The following WFS1 variants were observed in gnomAD, a reference collection of about 807,000 sequenced individuals.
The protein encoded by WFS1 is wolframin.
A neutral mutation model predicts 68.5 loss-of-function variants in WFS1; 90 were observed. The observed-to-expected ratio is 1.31, with a 90% confidence interval of 1.11 to 1.56. The LOEUF (loss-of-function observed/expected upper bound fraction) is 1.56, where lower values mean the gene tolerates loss of function less well. Among genes scored for constraint, WFS1 ranks in the 40% most tolerant of loss-of-function variants. The pLI is 0.00. For missense variants in WFS1, 1,767 were observed against 1,232.6 expected (o/e 1.43, Z -6.49); for synonymous variants, 860 against 540.7 (o/e 1.59, Z -8.19).
intron 1 of WFS1, among the ~76,000 whole-genome samples, chr4:6,271,784 G>A (rs2109104307): frequency 6.6e-6 from 1 of 152,320 alleles, no homozygotes; most frequent in Admixed American, 6.5e-5. Flanking sequence ...ACGCAGCCCT[G>A]CTGGTTCTTC....
At chr4:6,270,203 G>T (rs1016426262) in intron 1 of WFS1, among the ~76,000 whole-genome samples, 189 bp downstream of exon 1, 52 of 151,986 alleles carry the variant, frequency 3.4e-4, no homozygotes, top group Admixed American at 3.2e-3. Flanking sequence ...TCTGCAACGC[G>T]CAAGGCGACC....
chr4:6,272,515 G>T (rs993251636), intron 1 of WFS1, among the ~76,000 whole-genome samples: 5 of 152,156 alleles, frequency 3.3e-5, no homozygotes, highest in African/African-American at 1.2e-4. Context: ...GAGCAGCCCT[G>T]TGCCAGGGGG....
Position 6,302,665 on chromosome 4 carries a change from A to G in WFS1, c.*197A>G. The stretch of plus-strand genomic sequence containing the variant: ...TGCTGTGTAGCTCTGTCCACTCTGA[A>G]TACCAAGTGTGTTGGGAATTGCATG... On this transcript the variant is annotated 3_prime_UTR_variant, in exon 8 of 8. Coordinates refer to ENST00000226760, the MANE Select transcript of WFS1 (RefSeq NM_006005.3). The G allele has an allele frequency of 4.0e-6, 3 of 743,352 alleles. No individual in the cohort carries two copies. Among genetic ancestry groups the G allele is most frequent in the African/African-American group, 3.5e-5 (2 of 56,924 alleles). 46.0% of individuals were successfully genotyped at this position (743,352 alleles called of 1,614,324 possible).
At chr4:6,276,598 C>T (rs571991692) in intron 1 of WFS1, among the ~76,000 whole-genome samples, 1 of 152,242 alleles carries the variant, frequency 6.6e-6, no homozygotes, top group Admixed American at 6.5e-5. Flanking sequence ...CCATTTGGCT[C>T]CCTCTCTTCT....
At chr4:6,299,903 G>GCATGTGTGTGTGTGTAGGGGTGGGT (rs1174830051) in intron 7 of WFS1, among the ~76,000 whole-genome samples, 1 of 10,428 alleles carries the variant, frequency 9.6e-5, no homozygotes, top group Non-Finnish European at 1.5e-4. Context: ...GGGGTGGGTT[G>GCATGTGTGTGTGTGTAGGGGTGGGT]TGTGTGTGTG....
Position 6,297,003 on chromosome 4 carries a change from C to T in WFS1, c.861+1814C>T, listed in dbSNP as rs149013564. Among the ~76,000 whole-genome samples the T allele has an allele frequency of 6.7e-3, 1,024 of 152,184 alleles. 8 individuals carry two copies. The highest frequency in any genetic ancestry group is 0.014 in the Middle Eastern group (4 of 294). On this transcript the variant is annotated intron_variant, in intron 7 of 7. Coordinates refer to ENST00000226760, the MANE Select transcript of WFS1 (RefSeq NM_006005.3). ...CACACCCAGCTGATTTTTTTGAAAA[C>T]ATTTTGTAGCGATGGGGGTCTCACT...
chr4:6,301,766 GA>G lies in WFS1; in HGVS notation c.1973del (p.Lys658ArgfsTer7). 6.2e-7 allele frequency: 1 copy of G among 1,613,674 alleles called. No homozygotes were observed. The highest frequency in any genetic ancestry group is 8.5e-7 in the Non-Finnish European group (1 of 1,180,036). ...WFYVYRSEGM[K>X]VYNSTLTWQQ... is the part of the protein sequence containing the mutation. ...TCTATGTGTACCGCTCAGAGGGCAT[GA>G]AGGTCTACAACTCCACACTGACCTG... On this transcript the variant is annotated frameshift_variant, in exon 8 of 8. Coordinates refer to ENST00000226760, the MANE Select transcript of WFS1 (RefSeq NM_006005.3). LOFTEE classifies it high-confidence loss of function.
At chr4:6,289,423 C>A (rs1274607684) in intron 4 of WFS1, among the ~76,000 whole-genome samples, 1 of 152,212 alleles carries the variant, frequency 6.6e-6, no homozygotes, top group Non-Finnish European at 1.5e-5. Context: ...AGACATCGAT[C>A]CTGGGTTCAG....
At position 6,291,867 on chromosome 4, in the gene WFS1, C is replaced by T. The variant is rs200393348; in HGVS notation, c.632-50C>T. The T allele has an allele frequency of 5.0e-5, 77 of 1,552,970 alleles. No individual in the cohort carries two copies. In the African/African-American group the frequency reaches 8.5e-4, roughly 17 times the overall value. On this transcript the variant is annotated intron_variant, in intron 5 of 7. Coordinates refer to ENST00000226760, the MANE Select transcript of WFS1 (RefSeq NM_006005.3). ...CCAGTTTCTGGTGGGCTGCAGGGCA[C>T]GAGGAGATAGTCAACTTGTCTGACT...
chr4:6,298,715 ACT>A (rs1292936679), intron 7 of WFS1, among the ~76,000 whole-genome samples: 2 of 152,166 alleles, frequency 1.3e-5, no homozygotes, highest in East Asian at 3.9e-4. Flanking sequence ...TCTGTGGAAG[ACT>A]CAGTCTTCTG....
chr4:6,292,767 T>C (rs767369880), intron 6 of WFS1, among the ~76,000 whole-genome samples: 3 of 152,078 alleles, frequency 2.0e-5, no homozygotes, highest in Non-Finnish European at 4.4e-5. Flanking sequence ...CAGGTCTCAT[T>C]TTTCTTTCTG....
intron 7 of WFS1, 120 bp from the exon 8 acceptor site, chr4:6,300,536 TG>T: frequency 6.8e-7 from 1 of 1,466,098 alleles, no homozygotes; most frequent in Non-Finnish European, 9.3e-7. Flanking sequence ...GGGCTGGTGA[TG>T]GGAAAACGCA....
chr4:6,291,048 G>C, intron 4 of WFS1, 149 bp from the exon 5 acceptor site: 3 of 728,900 alleles, frequency 4.1e-6, no homozygotes, highest in Non-Finnish European at 6.4e-6. Flanking sequence ...TCTTGAGTCA[G>C]ATGTCCATGC....
chr4:6,271,623 C>T (rs1310779546), intron 1 of WFS1, among the ~76,000 whole-genome samples: 1 of 152,196 alleles, frequency 6.6e-6, no homozygotes, highest in African/African-American at 2.4e-5. Context: ...AGCCACAAAC[C>T]AGACCACCCC....
chr4:6,270,315 G>A (rs1004498881), intron 1 of WFS1, among the ~76,000 whole-genome samples: 6 of 151,610 alleles, frequency 4.0e-5, no homozygotes, highest in East Asian at 2.0e-4. Context: ...CCCGAGAGGC[G>A]GAGCGGCCGG....
intron 1 of WFS1, among the ~76,000 whole-genome samples, chr4:6,275,788 C>A (rs1214771772): frequency 6.6e-6 from 1 of 152,132 alleles, no homozygotes; most frequent in African/African-American, 2.4e-5. Context: ...GAGCCTGGGG[C>A]CACTCCTGAC....
intron 3 of WFS1, 66 bp from the exon 4 acceptor site, chr4:6,288,921 C>T: frequency 6.3e-7 from 1 of 1,575,616 alleles, no homozygotes; most frequent in Non-Finnish European, 8.6e-7. Context: ...AGGAGGTGGG[C>T]TGGCAGGGAG....
chr4:6,293,461 C>T (rs1461866967), intron 6 of WFS1, among the ~76,000 whole-genome samples: 1 of 152,242 alleles, frequency 6.6e-6, no homozygotes, highest in African/African-American at 2.4e-5. Flanking sequence ...TTCTCTCGTC[C>T]TCCGTCCTTT....
intron 2 of WFS1, among the ~76,000 whole-genome samples, chr4:6,285,892 G>A (rs1560406805): frequency 6.6e-6 from 1 of 152,244 alleles, no homozygotes; most frequent in South Asian, 2.1e-4. Context: ...ACTGCATGAT[G>A]CTTTTGTAAA....
Sources: allele counts gnomAD v4.1 joint callset (sites outside exome capture counted in the v4.1 genomes callset), GRCh38; gene constraint gnomAD v4.1.1; transcripts MANE v1.5; gene names NCBI Gene and HGNC (gene_info 2026-07-23, HGNC 2026-07-21).